Variants in PCSK5 observed in about 807,000 individuals in gnomAD.
PCSK5 encodes the protein prohormone convertase 5.
A neutral mutation model predicts 233.2 loss-of-function variants in PCSK5; 129 were observed. That is an observed-to-expected ratio of 0.55 (90% CI 0.48 to 0.64). The LOEUF is 0.64. Among genes scored for constraint, PCSK5 ranks in the 30% least tolerant of loss-of-function variants. The pLI is 0.00. For synonymous variants in PCSK5, 825 were observed against 879.2 expected (o/e 0.94, Z 1.09); for missense variants, 2,076 against 2,430.1 (o/e 0.85, Z 3.06).
At chr9:76,344,500 C>A (rs1250438680) in intron 35 of PCSK5, among the ~76,000 whole-genome samples, 1 of 152,218 alleles carries the variant, frequency 6.6e-6, no homozygotes, top group Middle Eastern at 3.2e-3. Context: ...ATCGCTTTTT[C>A]ATTCCAGAGA....
At chr9:76,202,081 G>A (rs1176613565) in intron 20 of PCSK5, among the ~76,000 whole-genome samples, 1 of 152,046 alleles carries the variant, frequency 6.6e-6, no homozygotes, top group Non-Finnish European at 1.5e-5. Context: ...ATTATATATA[G>A]GAATATAATG....
intron 5 of PCSK5, among the ~76,000 whole-genome samples, chr9:76,036,597 T>TTGC (rs1471444366): frequency 1.3e-5 from 2 of 152,160 alleles, no homozygotes; most frequent in Non-Finnish European, 2.9e-5. Flanking sequence ...ATGTCTGGGG[T>TTGC]TGCTATTTGA....
At chr9:76,341,116 T>G (rs1418639856) in intron 35 of PCSK5, among the ~76,000 whole-genome samples, 6 of 151,098 alleles carry the variant, frequency 4.0e-5, no homozygotes, top group Middle Eastern at 6.9e-3. Context: ...TCCCAGCTAC[T>G]CAGGAGGCTG....
chr9:76,270,088 C>CT (rs971770426), intron 24 of PCSK5, among the ~76,000 whole-genome samples: 4 of 150,306 alleles, frequency 2.7e-5, no homozygotes, highest in African/African-American at 1.0e-4. Flanking sequence ...TTTCTTTCTT[C>CT]TTTTTTTCAG....
intron 5 of PCSK5, among the ~76,000 whole-genome samples, chr9:76,047,741 A>C (rs899884802): frequency 6.6e-6 from 1 of 152,156 alleles, no homozygotes; most frequent in Non-Finnish European, 1.5e-5. Context: ...AAATGAATCT[A>C]TTTAAATTGA....
At chr9:76,224,360 T>C (rs970342521) in intron 20 of PCSK5, among the ~76,000 whole-genome samples, 6 of 152,060 alleles carry the variant, frequency 3.9e-5, no homozygotes, top group African/African-American at 1.4e-4. Flanking sequence ...GACCTTTCTT[T>C]TGGAGACAGA....
At chr9:76,018,668 C>T (rs369932078) in intron 3 of PCSK5, among the ~76,000 whole-genome samples, 11 of 152,120 alleles carry the variant, frequency 7.2e-5, no homozygotes, top group Admixed American at 4.6e-4. Context: ...ACTGATTTAC[C>T]AGCACTTTAT....
At chr9:76,185,347 C>T (rs1362299154) in intron 17 of PCSK5, among the ~76,000 whole-genome samples, 1 of 152,128 alleles carries the variant, frequency 6.6e-6, no homozygotes. Flanking sequence ...AACTAGGTAG[C>T]CTCTTGATCT....
intron 35 of PCSK5, among the ~76,000 whole-genome samples, chr9:76,339,501 C>G (rs964373381): frequency 2.0e-5 from 3 of 152,036 alleles, no homozygotes; most frequent in Non-Finnish European, 4.4e-5. Context: ...GTATATCTCT[C>G]CATTCTATGC....
intron 12 of PCSK5, among the ~76,000 whole-genome samples, chr9:76,164,659 C>T (rs1243992976): frequency 6.6e-6 from 1 of 152,186 alleles, no homozygotes; most frequent in African/African-American, 2.4e-5. Flanking sequence ...CCACAGACCA[C>T]ACTTTAAATA....
At chr9:76,279,002 G>A (rs7865552) in intron 24 of PCSK5, among the ~76,000 whole-genome samples, 18,433 of 149,830 alleles carry the variant, frequency 0.12, 1,547 homozygotes, top group African/African-American at 0.24. Context: ...ATGCTGGTGC[G>A]CTGCACCCAC....
intron 5 of PCSK5, among the ~76,000 whole-genome samples, chr9:76,062,661 A>C: frequency 6.6e-6 from 1 of 152,116 alleles, no homozygotes; most frequent in East Asian, 1.9e-4. Context: ...TCTTGTTAAA[A>C]ATTTTTTATT....
At chr9:76,042,408 T>C (rs1285130424) in intron 5 of PCSK5, among the ~76,000 whole-genome samples, 1 of 152,208 alleles carries the variant, frequency 6.6e-6, no homozygotes, top group Non-Finnish European at 1.5e-5. Context: ...CCCAGCACTT[T>C]GTGAGATCAA....
chr9:76,208,727 A>C (rs1203937812), intron 20 of PCSK5, among the ~76,000 whole-genome samples: 2 of 152,198 alleles, frequency 1.3e-5, no homozygotes, highest in African/African-American at 4.8e-5. Context: ...CAAAAGGTAA[A>C]TTCACCAAAT....
chr9:75,992,375 G>A (rs1218768262), intron 3 of PCSK5, among the ~76,000 whole-genome samples: 4 of 152,150 alleles, frequency 2.6e-5, no homozygotes, highest in Non-Finnish European at 5.9e-5. Context: ...CAACAGTTGG[G>A]CTATTGCATA....
In PCSK5 at chr9:75,930,217, A is replaced by G. The variant is rs137978803; in HGVS notation, c.193-2162A>G. ...GAACAGTATGGGGGGAACCCACCCC[A>G]TGATTCAGTTATCTCCCACTGGGTC... On this transcript the variant is annotated intron_variant, in intron 1 of 37. Coordinates refer to ENST00000674117, the MANE Select transcript of PCSK5 (RefSeq NM_001372043.1). Among the ~76,000 whole-genome samples, 53 of 152,302 alleles carry G rather than the reference A, an allele frequency of 3.5e-4. No individual in the cohort carries two copies. In the East Asian group the frequency reaches 0.01, roughly 29 times the overall value.
intron 11 of PCSK5, among the ~76,000 whole-genome samples, chr9:76,158,358 A>G (rs1822697217): frequency 6.6e-6 from 1 of 152,310 alleles, no homozygotes; most frequent in Non-Finnish European, 1.5e-5. Context: ...CAGGCAGAGT[A>G]GTGTGTGCAA....
intron 21 of PCSK5, among the ~76,000 whole-genome samples, chr9:76,228,933 T>C (rs1466978182): frequency 1.3e-5 from 2 of 152,184 alleles, no homozygotes; most frequent in Non-Finnish European, 2.9e-5. Context: ...ATGTGCTTTA[T>C]TGAACTTGAT....
Position 75,931,371 on chromosome 9 carries a change from T to C in PCSK5, c.193-1008T>C, listed in dbSNP as rs368955504. Reference sequence around the variant, plus strand: ...GTGGATGTCCTGGAGAAATAGCTACTATAGTATTTGCCTAAAGCATGTGAG... The same window carrying C: ...GTGGATGTCCTGGAGAAATAGCTACCATAGTATTTGCCTAAAGCATGTGAG... On this transcript the variant is annotated intron_variant, in intron 1 of 37. Transcript: ENST00000674117. Among the ~76,000 whole-genome samples the C allele has an allele frequency of 1.3e-3, 204 of 151,920 alleles. 1 individual carries two copies. The highest frequency in any genetic ancestry group is 4.8e-3 in the African/African-American group (198 of 41,404).
Sources: allele counts gnomAD v4.1 joint callset (sites outside exome capture counted in the v4.1 genomes callset), GRCh38; gene constraint gnomAD v4.1.1; transcripts MANE v1.5; gene names NCBI Gene and HGNC (gene_info 2026-07-23, HGNC 2026-07-21).